Variants in TMTC1 observed in about 807,000 individuals in gnomAD.
TMTC1 encodes transmembrane O-mannosyltransferase targeting cadherins 1, also known as protein O-mannosyl-transferase TMTC1.
A neutral mutation model predicts 104.8 loss-of-function variants in TMTC1; 73 were observed. The observed-to-expected ratio is 0.70, with a 90% CI of 0.58 to 0.85. TMTC1 has a LOEUF of 0.85. Ranked by LOEUF, TMTC1 falls within the 40% of genes least tolerant of loss-of-function variation. The pLI, the probability that TMTC1 is intolerant of heterozygous loss-of-function variation, is 0.00. For missense variants in TMTC1, 1,035 were observed against 1,096.1 expected, an observed-to-expected ratio of 0.94 and a Z score of 0.79; for synonymous variants, 434 against 428.7, an observed-to-expected ratio of 1.01 and a Z score of -0.15.
chr12:29,764,324 A>G (rs1318212614), intron 2 of TMTC1, among the ~76,000 whole-genome samples: 4 of 152,228 alleles, frequency 2.6e-5, no homozygotes, highest in African/African-American at 7.2e-5. Flanking sequence ...ATATTTGTAT[A>G]AAGTATACTA....
intron 8 of TMTC1, among the ~76,000 whole-genome samples, chr12:29,572,527 T>A (rs1945708130): frequency 6.6e-6 from 1 of 152,202 alleles, no homozygotes; most frequent in African/African-American, 2.4e-5. Flanking sequence ...AGCTGGAGTC[T>A]GGGTAAGGCT....
chr12:29,705,135 A>G (rs1448067031), intron 5 of TMTC1, among the ~76,000 whole-genome samples: 1 of 152,156 alleles, frequency 6.6e-6, no homozygotes, highest in African/African-American at 2.4e-5. Flanking sequence ...AGCAGAGGCC[A>G]AACACAGATG....
At chr12:29,663,275 G>A (rs1231940384) in intron 5 of TMTC1, among the ~76,000 whole-genome samples, 1 of 152,168 alleles carries the variant, frequency 6.6e-6, no homozygotes, top group African/African-American at 2.4e-5. Context: ...TTTTCAGGAT[G>A]TATCAATGGC....
intron 5 of TMTC1, chr12:29,666,124 T>C: frequency 2.4e-6 from 1 of 416,860 alleles, no homozygotes; most frequent in Admixed American, 3.2e-5. Context: ...AAGTGTTATT[T>C]GAATATTTTT....
intron 10 of TMTC1, among the ~76,000 whole-genome samples, chr12:29,553,909 C>T (rs144139713): frequency 6.6e-6 from 1 of 152,258 alleles, no homozygotes; most frequent in African/African-American, 2.4e-5. Flanking sequence ...AAATTCAGCA[C>T]CATATTATGA....
chr12:29,641,691 C>G (rs930442637), intron 5 of TMTC1, among the ~76,000 whole-genome samples: 2 of 151,746 alleles, frequency 1.3e-5, no homozygotes, highest in African/African-American at 4.8e-5. Flanking sequence ...CTCTTCAATA[C>G]CCCCCCAAAA....
intron 8 of TMTC1, among the ~76,000 whole-genome samples, chr12:29,574,856 G>A (rs1488790698): frequency 1.3e-5 from 2 of 152,178 alleles, no homozygotes; most frequent in African/African-American, 2.4e-5. Flanking sequence ...CAAACATTCA[G>A]TCCTTATCAA....
intron 5 of TMTC1, among the ~76,000 whole-genome samples, chr12:29,663,768 C>T (rs1368651280): frequency 6.6e-6 from 1 of 151,050 alleles, no homozygotes; most frequent in Non-Finnish European, 1.5e-5. Context: ...CCACCCACCT[C>T]GGCCTCTCAA....
At chr12:29,572,534 G>A (rs1352424845) in intron 8 of TMTC1, among the ~76,000 whole-genome samples, 1 of 152,194 alleles carries the variant, frequency 6.6e-6, no homozygotes, top group Non-Finnish European at 1.5e-5. Context: ...GTCTGGGTAA[G>A]GCTCTGTCGC....
intron 5 of TMTC1, among the ~76,000 whole-genome samples, chr12:29,673,413 T>A (rs77812469): frequency 0.04 from 6,096 of 152,210 alleles, 178 homozygotes; most frequent in South Asian, 0.17. Context: ...AAATCAGAAA[T>A]CCATAATAAT....
chr12:29,714,877 C>T (rs140304178), intron 5 of TMTC1, among the ~76,000 whole-genome samples: 259 of 152,324 alleles, frequency 1.7e-3, no homozygotes, highest in African/African-American at 6.0e-3. Flanking sequence ...CTTTCCAGAA[C>T]GAATCTGCCC....
At chr12:29,631,659 T>C (rs1938304569) in intron 6 of TMTC1, among the ~76,000 whole-genome samples, 1 of 152,198 alleles carries the variant, frequency 6.6e-6, no homozygotes, top group South Asian at 2.1e-4. Flanking sequence ...TAATCGTTGG[T>C]TAAACTGGGT....
chr12:29,563,651 CTGTT>C (rs1459008498), intron 9 of TMTC1, among the ~76,000 whole-genome samples: 1 of 152,148 alleles, frequency 6.6e-6, no homozygotes, highest in Admixed American at 6.5e-5. Context: ...TTGAGAAACA[CTGTT>C]TGTCCTTATG....
rs925117127 is a variant in TMTC1 at position 29,505,700 on chromosome 12, A to G, written c.*1146T>C. ...TTTCCTATTTCTTAAATATAAATAT[A>G]TATTTAAAATTTGAATTTAGATCTT... On this transcript the variant is annotated 3_prime_UTR_variant, in exon 18 of 18. Coordinates refer to ENST00000539277, the MANE Select transcript of TMTC1 (RefSeq NM_001193451.2). The G allele has an allele frequency of 6.6e-6, 1 of 151,916 alleles. No individual in the cohort carries two copies. Among genetic ancestry groups the G allele is most frequent in the Non-Finnish European group, 1.5e-5 (1 of 67,978 alleles). 9.4% of individuals were successfully genotyped at this position (151,916 alleles called of 1,614,324 possible).
At chr12:29,697,203 CACTACAT>C (rs1295779738) in intron 5 of TMTC1, among the ~76,000 whole-genome samples, 15 of 152,304 alleles carry the variant, frequency 9.8e-5, no homozygotes, top group Non-Finnish European at 2.2e-4. Context: ...ATACAGGTTC[CACTACAT>C]ACTACATACT....
chr12:29,626,685 A>C (rs1260795525), intron 6 of TMTC1, among the ~76,000 whole-genome samples: 1 of 152,204 alleles, frequency 6.6e-6, no homozygotes, highest in Admixed American at 6.5e-5. Context: ...TAAAACCACA[A>C]AACTCTTAGA....
At chr12:29,529,152 C>G (rs1446356296) in intron 11 of TMTC1, among the ~76,000 whole-genome samples, 1 of 152,136 alleles carries the variant, frequency 6.6e-6, no homozygotes, top group Non-Finnish European at 1.5e-5. Context: ...TGCTAGAAAA[C>G]TACTGTATAC....
chr12:29,624,782 T>C (rs534184855), intron 6 of TMTC1, among the ~76,000 whole-genome samples: 1 of 152,342 alleles, frequency 6.6e-6, no homozygotes, highest in South Asian at 2.1e-4. Context: ...CAGGTGGGAC[T>C]TTCATTTTGT....
chr12:29,586,033 A>G (rs1946124563), intron 7 of TMTC1, among the ~76,000 whole-genome samples: 2 of 152,076 alleles, frequency 1.3e-5, no homozygotes, highest in African/African-American at 2.4e-5. Flanking sequence ...CTTGGGCAGT[A>G]TGGCCATTTT....
Sources: allele counts gnomAD v4.1 joint callset (sites outside exome capture counted in the v4.1 genomes callset), GRCh38; gene constraint gnomAD v4.1.1; transcripts MANE v1.5; gene names NCBI Gene and HGNC (gene_info 2026-07-23, HGNC 2026-07-21).